Variants in TPH2 observed in about 807,000 individuals in gnomAD.
TPH2 encodes the protein tryptophan 5-hydroxylase 2.
In TPH2, 27 loss-of-function variants were observed where a neutral mutation model predicts 59.1. The observed-to-expected ratio is 0.46, with a 90% CI of 0.34 to 0.63. The LOEUF (loss-of-function observed/expected upper bound fraction) is 0.63. Among genes scored for constraint, TPH2 ranks in the 30% least tolerant of loss-of-function variants. TPH2 has a pLI of 0.01. For synonymous variants in TPH2, 220 were observed against 210.5 expected, an observed-to-expected ratio of 1.05 and a Z score of -0.39; for missense variants, 523 against 588.3, an observed-to-expected ratio of 0.89 and a Z score of 1.15.
At chr12:71,968,006 T>A (rs1871864934) in intron 5 of TPH2, among the ~76,000 whole-genome samples, 1 of 152,198 alleles carries the variant, frequency 6.6e-6, no homozygotes, top group Non-Finnish European at 1.5e-5. Context: ...TTTCCTTCCC[T>A]TCTCTAAGAC....
rs1873748795 is a variant in TPH2, at chr12:72,032,425, A to C, written c.*730A>C. On this transcript the variant is annotated 3_prime_UTR_variant, in exon 11 of 11. Coordinates refer to ENST00000333850, the MANE Select transcript of TPH2 (RefSeq NM_173353.4). The stretch of plus-strand genomic sequence containing the variant: ...GACTATGAATTTTATGCTGGAATAA[A>C]GTAAATTATCATGTTCAGGTGTTTA... 1 of 152,364 alleles carries C rather than the reference A, an allele frequency of 6.6e-6. No homozygotes were observed. The highest frequency in any genetic ancestry group is 2.1e-4 in the South Asian group (1 of 4,842). The allele number at this position is 152,364 out of a possible 1,614,324, so 9.4% of individuals were successfully genotyped here. A position where few individuals can be genotyped will look rare whatever the true frequency, so the allele number is the denominator to read the frequency against.
At chr12:71,955,981 G>A (rs1341868638) in intron 5 of TPH2, among the ~76,000 whole-genome samples, 2 of 152,214 alleles carry the variant, frequency 1.3e-5, no homozygotes, top group African/African-American at 4.8e-5. Context: ...CCTAGCTGGA[G>A]GGTTCTAGAT....
intron 7 of TPH2, among the ~76,000 whole-genome samples, chr12:71,986,685 C>T: frequency 6.7e-6 from 1 of 149,640 alleles, no homozygotes; most frequent in Non-Finnish European, 1.5e-5. Context: ...GTCACTCTCC[C>T]CTACCCCTGC....
chr12:71,980,467 C>T (rs527262662), intron 7 of TPH2, among the ~76,000 whole-genome samples: 19 of 152,110 alleles, frequency 1.2e-4, no homozygotes, highest in African/African-American at 4.1e-4. Flanking sequence ...TGGCATAAGG[C>T]TCACAGTCCA....
At chr12:71,983,563 T>A (rs769771378) in intron 7 of TPH2, among the ~76,000 whole-genome samples, 3 of 152,158 alleles carry the variant, frequency 2.0e-5, no homozygotes, top group Non-Finnish European at 4.4e-5. Flanking sequence ...ATCTCCTTTT[T>A]GTCTCTCTGG....
chr12:71,987,562 G>T (rs937649736), intron 7 of TPH2, among the ~76,000 whole-genome samples: 16 of 152,148 alleles, frequency 1.1e-4, no homozygotes, highest in African/African-American at 3.9e-4. Flanking sequence ...AATAATGTAA[G>T]AGATGGCTGG....
At chr12:71,972,838 T>A in intron 6 of TPH2, 123 bp downstream of exon 6, 1 of 1,099,466 alleles carries the variant, frequency 9.1e-7, no homozygotes, top group Non-Finnish European at 1.3e-6. Context: ...AATTGTTGGC[T>A]TTGAGCCAAC....
At chr12:72,008,544 T>C (rs1402903731) in intron 8 of TPH2, among the ~76,000 whole-genome samples, 2 of 152,200 alleles carry the variant, frequency 1.3e-5, no homozygotes, top group African/African-American at 4.8e-5. Flanking sequence ...GAGGCAGGAC[T>C]CATATTGTCC....
intron 9 of TPH2, among the ~76,000 whole-genome samples, chr12:72,023,507 G>C (rs1873480854): frequency 6.6e-6 from 1 of 151,972 alleles, no homozygotes; most frequent in Admixed American, 6.6e-5. Context: ...CAGTCACTGG[G>C]GATAAAAAGA....
chr12:71,941,370 A>G (rs1169655920), intron 1 of TPH2, among the ~76,000 whole-genome samples: 3 of 152,150 alleles, frequency 2.0e-5, no homozygotes, highest in Non-Finnish European at 4.4e-5. Context: ...CAACCACTAG[A>G]TGATGTCTTA....
chr12:72,024,394 A>G (rs937202423), intron 9 of TPH2, among the ~76,000 whole-genome samples: 1 of 152,244 alleles, frequency 6.6e-6, no homozygotes, highest in East Asian at 1.9e-4. Context: ...GAGGATAATA[A>G]TATTCAACCT....
chr12:71,961,551 A>G (rs764066264), intron 5 of TPH2: 6 of 1,351,586 alleles, frequency 4.4e-6, no homozygotes, highest in Admixed American at 1.9e-5. Context: ...TCTTCATTCT[A>G]GTGGCCCAAG....
At chr12:72,017,068 G>T (rs147592974) in intron 8 of TPH2, among the ~76,000 whole-genome samples, 2 of 152,128 alleles carry the variant, frequency 1.3e-5, no homozygotes, top group African/African-American at 4.8e-5. Flanking sequence ...AGAACTTCAG[G>T]TGCCTAATGC....
chr12:71,946,328 C>T (rs561492496), intron 4 of TPH2, among the ~76,000 whole-genome samples: 41 of 152,260 alleles, frequency 2.7e-4, no homozygotes, highest in African/African-American at 9.9e-4. Flanking sequence ...CAAATGCTCC[C>T]CTTAGTCTAG....
At chr12:71,994,413 C>T (rs749678092) in intron 7 of TPH2, 26 bp from the exon 8 acceptor site, 19 of 1,612,940 alleles carry the variant, frequency 1.2e-5, no homozygotes, top group East Asian at 4.5e-5. Context: ...TTATTTAACA[C>T]GTCTTTGTGA....
chr12:71,981,458 G>C (rs2139210506), intron 7 of TPH2, among the ~76,000 whole-genome samples: 1 of 152,230 alleles, frequency 6.6e-6, no homozygotes, highest in South Asian at 2.1e-4. Context: ...CAGAAAACCA[G>C]CTAGGGAGCT....
At chr12:71,961,124 A>C (rs1024316924) in intron 5 of TPH2, among the ~76,000 whole-genome samples, 1 of 152,140 alleles carries the variant, frequency 6.6e-6, no homozygotes, top group Non-Finnish European at 1.5e-5. Flanking sequence ...AGTACCTTGT[A>C]CTGATGTGTA....
At chr12:72,031,206 G>T in intron 9 of TPH2, 52 bp from the exon 10 acceptor site, 1 of 1,611,472 alleles carries the variant, frequency 6.2e-7, no homozygotes, top group Middle Eastern at 1.7e-4. Context: ...ATGTCATGGA[G>T]CTTCGGAAGT....
intron 7 of TPH2, among the ~76,000 whole-genome samples, chr12:71,985,650 G>GC (rs1464803523): frequency 6.6e-6 from 1 of 152,158 alleles, no homozygotes; most frequent in Non-Finnish European, 1.5e-5. Context: ...AGCCACCTCG[G>GC]CCTCCCAAAG....
Sources: allele counts gnomAD v4.1 joint callset (sites outside exome capture counted in the v4.1 genomes callset), GRCh38; gene constraint gnomAD v4.1.1; transcripts MANE v1.5; gene names NCBI Gene and HGNC (gene_info 2026-07-23, HGNC 2026-07-21).